The following PAFAH1B1 variants were observed in gnomAD, a reference collection of about 807,000 sequenced individuals.
PAFAH1B1 encodes the protein platelet activating factor acetylhydrolase 1b regulatory subunit 1, also known as platelet-activating factor acetylhydrolase IB subunit beta.
PAFAH1B1 carries 2 observed loss-of-function variants against 57.5 expected under a neutral mutation model. That is an observed-to-expected ratio of 0.03 (90% CI 0.01 to 0.11). PAFAH1B1 has a LOEUF of 0.11. Ranked by LOEUF, PAFAH1B1 falls within the 10% of genes least tolerant of loss-of-function variation. The pLI, the probability that PAFAH1B1 is intolerant of heterozygous loss-of-function variation, is 1.00. For synonymous variants in PAFAH1B1, 152 were observed against 169.6 expected, an observed-to-expected ratio of 0.90 and a Z score of 0.81; for missense variants, 257 against 512.0, an observed-to-expected ratio of 0.50 and a Z score of 4.81.
intron 1 of PAFAH1B1, among the ~76,000 whole-genome samples, chr17:2,603,613 CT>C (rs1474553406): frequency 6.6e-6 from 1 of 151,384 alleles, no homozygotes; most frequent in African/African-American, 2.4e-5. Context: ...AAGAGCAAAA[CT>C]TTTGTCTCAA....
At chr17:2,635,355 A>G (rs1005782108) in intron 1 of PAFAH1B1, 2 of 151,992 alleles carry the variant, frequency 1.3e-5, no homozygotes, top group Non-Finnish European at 1.5e-5. Context: ...TACTGTCATC[A>G]TTCTTTCTTT....
chr17:2,660,271 T>C (rs977287652), intron 2 of PAFAH1B1, among the ~76,000 whole-genome samples: 2 of 152,056 alleles, frequency 1.3e-5, no homozygotes, highest in African/African-American at 4.8e-5. Context: ...CCGGGATACA[T>C]GTGCAGAATG....
intron 1 of PAFAH1B1, among the ~76,000 whole-genome samples, chr17:2,605,855 A>G (rs552274994): frequency 1.6e-4 from 24 of 152,282 alleles, no homozygotes; most frequent in African/African-American, 5.1e-4. Flanking sequence ...CTCAATAAAT[A>G]TTGTTATTAT....
In PAFAH1B1 at chr17:2,645,067, T is replaced by TGA. The variant is rs2068749069; in HGVS notation, c.32+6748_32+6749dup. 2.6e-5 allele frequency among the ~76,000 whole-genome samples: 4 copies of TGA among 151,974 alleles called. No individual in the cohort carries two copies. In the South Asian group the frequency reaches 6.2e-4, roughly 24 times the overall value. Reference sequence around the variant, plus strand: ...TTCAAGACCAGCGTGGGCAACCTGGTGAAACCCCGTCTCTACAAAAAATAC... The same window carrying TGA: ...TTCAAGACCAGCGTGGGCAACCTGGTGAGAAACCCCGTCTCTACAAAAAATAC... On this transcript the variant is annotated intron_variant, in intron 2 of 10. Coordinates refer to ENST00000397195, the MANE Select transcript of PAFAH1B1 (RefSeq NM_000430.4).
intron 2 of PAFAH1B1, among the ~76,000 whole-genome samples, chr17:2,652,080 C>G (rs2068858636): frequency 1.3e-5 from 2 of 152,166 alleles, no homozygotes; most frequent in African/African-American, 2.4e-5. Context: ...TAGCTTGTAT[C>G]CTTTTCAGAT....
At chr17:2,618,205 C>T (rs766655407) in intron 1 of PAFAH1B1, among the ~76,000 whole-genome samples, 3 of 152,088 alleles carry the variant, frequency 2.0e-5, no homozygotes, top group African/African-American at 2.4e-5. Context: ...GCCGAGATTG[C>T]GCCACTACAC....
rs2151677459 is a variant in PAFAH1B1, at chr17:2,683,854, G to A, written c.*2052G>A. 6.6e-6 allele frequency: 1 copy of A among 152,660 alleles called. No homozygotes were observed. Among genetic ancestry groups the A allele is most frequent in the Admixed American group, 6.5e-5 (1 of 15,290 alleles). The allele number at this position is 152,660 out of a possible 1,614,324, so 9.5% of individuals were successfully genotyped here. On this transcript the variant is annotated 3_prime_UTR_variant, in exon 11 of 11. Transcript: ENST00000397195. ...TTGAGAAATATAAATACATAGAAATGGTGCATCTTAACATTTGTTTGTACA... is the reference window on the plus strand; with the variant it reads ...TTGAGAAATATAAATACATAGAAATAGTGCATCTTAACATTTGTTTGTACA...
Position 2,603,299 on chromosome 17 carries a change from G to A in PAFAH1B1, c.-191+9293G>A, listed in dbSNP as rs142167410. On this transcript the variant is annotated intron_variant, in intron 1 of 10. Transcript: ENST00000397195. Reference sequence around the variant, plus strand: ...TGAGTAGCTGGGTCTACAGGCCCGCGCCACCATGCCTGGGTAATTTTTGTA... The same window carrying A: ...TGAGTAGCTGGGTCTACAGGCCCGCACCACCATGCCTGGGTAATTTTTGTA... Among the ~76,000 whole-genome samples the A allele has an allele frequency of 5.3e-5, 8 of 152,210 alleles. No homozygotes were observed. The East Asian group carries it at 1.2e-3, about 22-fold the overall frequency.
chr17:2,676,656 C>G, intron 9 of PAFAH1B1, 50 bp downstream of exon 9: 1 of 1,042,810 alleles, frequency 9.6e-7, no homozygotes, highest in South Asian at 1.3e-5. Context: ...CTGTTTATAC[C>G]TTTTTGGATT....
chr17:2,651,801 C>T (rs1407555128), intron 2 of PAFAH1B1, among the ~76,000 whole-genome samples: 1 of 152,082 alleles, frequency 6.6e-6, no homozygotes, highest in Non-Finnish European at 1.5e-5. Context: ...TAACATCTCA[C>T]ATTTATGTGG....
At chr17:2,678,707 C>T (rs1221251513) in intron 9 of PAFAH1B1, among the ~76,000 whole-genome samples, 3 of 152,172 alleles carry the variant, frequency 2.0e-5, no homozygotes, top group East Asian at 1.9e-4. Flanking sequence ...TAACAAGACC[C>T]TGTCTCTACC....
intron 2 of PAFAH1B1, among the ~76,000 whole-genome samples, chr17:2,657,208 C>T (rs957745435): frequency 1.3e-5 from 2 of 152,058 alleles, no homozygotes; most frequent in South Asian, 2.1e-4. Context: ...AAGACCTTTC[C>T]GTTAATGAGG....
At chr17:2,647,075 C>T (rs1023955939) in intron 2 of PAFAH1B1, among the ~76,000 whole-genome samples, 6 of 152,112 alleles carry the variant, frequency 3.9e-5, no homozygotes, top group Non-Finnish European at 5.9e-5. Context: ...TTTGGCTGGG[C>T]ACAGTGGCTC....
rs184212889 is a variant in PAFAH1B1, at chr17:2,664,633, G to C, written c.33-739G>C. On this transcript the variant is annotated intron_variant, in intron 2 of 10. Transcript: ENST00000397195. ...TTGGCCAGGCTGGTCTCCAACTCCT[G>C]ACTTTGTGATATATATCTATATCTA... 3.9e-3 allele frequency among the ~76,000 whole-genome samples: 561 copies of C among 145,214 alleles called. 2 individuals are homozygous for C. The highest frequency in any genetic ancestry group is 0.014 in the African/African-American group (529 of 38,532).
chr17:2,646,360 T>C (rs2068768253), intron 2 of PAFAH1B1, among the ~76,000 whole-genome samples: 1 of 152,170 alleles, frequency 6.6e-6, no homozygotes, highest in Non-Finnish European at 1.5e-5. Flanking sequence ...TAAAATGAAC[T>C]CAGATGATTT....
intron 1 of PAFAH1B1, among the ~76,000 whole-genome samples, chr17:2,617,100 A>G (rs556164335): frequency 1.3e-5 from 2 of 152,328 alleles, no homozygotes; most frequent in South Asian, 4.1e-4. Context: ...CTTAATAAGA[A>G]AAAAACAGAC....
chr17:2,606,844 G>T (rs1204029430), intron 1 of PAFAH1B1, among the ~76,000 whole-genome samples: 2 of 132,250 alleles, frequency 1.5e-5, no homozygotes, highest in Admixed American at 1.6e-4. Context: ...TTTTAAGACG[G>T]AGTCTCGCTC....
intron 2 of PAFAH1B1, among the ~76,000 whole-genome samples, chr17:2,655,017 T>C (rs1029635290): frequency 6.7e-6 from 1 of 149,206 alleles, no homozygotes. Context: ...TGATCATAGC[T>C]CATAACTCTG....
upstream of PAFAH1B1, among the ~76,000 whole-genome samples, chr17:2,593,494 A>T (rs1476570473): frequency 6.6e-6 from 1 of 151,040 alleles, no homozygotes; most frequent in Non-Finnish European, 1.5e-5. Flanking sequence ...CGCCCGCTAG[A>T]AGGCAGCGCG....
Sources: gnomAD v4.1 joint callset for allele counts (sites outside exome capture counted in the v4.1 genomes callset) on GRCh38, gnomAD v4.1.1 for gene constraint, MANE v1.5 for transcripts, NCBI Gene and HGNC (gene_info 2026-07-23, HGNC 2026-07-21) for gene names.